MMP9: variants seen among roughly 807,000 people sequenced by gnomAD.
MMP9 encodes matrix metalloproteinase-9.
MMP9 carries 73 observed loss-of-function variants against 76.4 expected under a neutral mutation model. That is an observed-to-expected ratio of 0.96 (90% CI 0.79 to 1.16). The LOEUF is 1.16. MMP9 is among the 50% of genes most tolerant of loss of function. The pLI is 0.00. For missense variants in MMP9, 943 were observed against 973.0 expected (o/e 0.97, Z 0.41); for synonymous variants, 412 against 408.4 (o/e 1.01, Z -0.11).
Position 46,010,017 on chromosome 20 carries a change from C to G in MMP9, c.290C>G (p.Pro97Arg). ...GCCACGCTGAAGGCCATGCGAACCC[C>G]ACGGTGCGGGGTCCCAGACCTGGGC... is the stretch of plus-strand genomic sequence containing the variant. ...DSATLKAMRTPRCGVPDLGRF... is the reference protein window; with the variant it reads ...DSATLKAMRTRRCGVPDLGRF... The change falls in exon 2 of 13, where the codon CCA becomes CGA. Residue 97 changes from proline to arginine, a missense_variant. By Grantham distance (103) the Pro-to-Arg change is moderately radical. Transcript: ENST00000372330. 6.4e-7 allele frequency: 1 copy of G among 1,551,640 alleles called. No individual in the cohort carries two copies. The highest frequency in any genetic ancestry group is 8.7e-7 in the Non-Finnish European group (1 of 1,146,996).
In MMP9 at chr20:46,011,174, C is replaced by T. The variant is rs754533291; in HGVS notation, c.681C>T (p.Gly227=). 5.0e-6 allele frequency: 8 copies of T among 1,614,106 alleles called. No homozygotes were observed. The South Asian group carries it at 7.7e-5, about 16-fold the overall frequency. Reference sequence around the variant, plus strand: ...CAACTCGGTTTGGAAACGCAGATGGCGCGGCCTGCCACTTCCCCTTCATCT... The same window carrying T: ...CAACTCGGTTTGGAAACGCAGATGGTGCGGCCTGCCACTTCCCCTTCATCT... ...VVPTRFGNAD[G]AACHFPFIFE... Residue 227 remains glycine, a synonymous_variant, in exon 5 of 13, where the codon GGC becomes GGT. Coordinates refer to ENST00000372330, the MANE Select transcript of MMP9 (RefSeq NM_004994.3).
chr20:46,011,036 T>C lies in MMP9; in HGVS notation c.635T>C (p.Leu212Pro), dbSNP rs2084275307. The change falls in exon 4 of 13, where the codon CTG (leucine) becomes CCG (proline). Residue 212 changes from leucine to proline, a missense_variant. Transcript: ENST00000372330. The part of the protein sequence containing the change: ...AHFDDDELWS[L>P]GKGVVVPTRF... Reference sequence around the variant, plus strand: ...TTCGACGATGACGAGTTGTGGTCCCTGGGCAAGGGCGTCGGTGAGATTCTG... The same window carrying C: ...TTCGACGATGACGAGTTGTGGTCCCCGGGCAAGGGCGTCGGTGAGATTCTG... The C allele has an allele frequency of 3.1e-6, 5 of 1,610,322 alleles. No individual in the cohort carries two copies. Among genetic ancestry groups the C allele is most frequent in the Non-Finnish European group, 4.2e-6 (5 of 1,177,684 alleles).
chr20:46,008,963 G>C lies in MMP9; in HGVS notation c.37G>C (p.Val13Leu), dbSNP rs973255035. The change falls in exon 1 of 13, where the codon GTG (valine) becomes CTG (leucine). Residue 13 changes from valine to leucine, a missense_variant. Transcript: ENST00000372330. Reference protein sequence around the residue: ...LWQPLVLVLLVLGCCFAAPRQ... With the variant: ...LWQPLVLVLLLLGCCFAAPRQ... ...GCAGCCCCTGGTCCTGGTGCTCCTGGTGCTGGGCTGCTGCTTTGCTGCCCC... is the reference window on the plus strand; with the variant it reads ...GCAGCCCCTGGTCCTGGTGCTCCTGCTGCTGGGCTGCTGCTTTGCTGCCCC... The C allele has an allele frequency of 1.9e-6, 3 of 1,613,904 alleles. No homozygotes were observed. In the African/African-American group the frequency reaches 4.0e-5, roughly 22 times the overall value.
chr20:46,012,565 G>C lies in MMP9; in HGVS notation c.1313G>C (p.Gly438Ala), dbSNP rs201169008. The change falls in exon 8 of 13, where the codon GGC becomes GCC. Residue 438 changes from glycine to alanine, a missense_variant. Coordinates refer to ENST00000372330, the MANE Select transcript of MMP9 (RefSeq NM_004994.3). ...CCCTTGCATAAGGACGACGTGAATG[G>C]CATCCGGCACCTCTATGGTGAGGCA... Reference protein sequence around the residue: ...GPPLHKDDVNGIRHLYGPRPE... With the variant: ...GPPLHKDDVNAIRHLYGPRPE... 2.1e-5 allele frequency: 34 copies of C among 1,613,662 alleles called. No individual in the cohort carries two copies. The highest frequency in any genetic ancestry group is 8.3e-5 in the Admixed American group (5 of 60,004).
In MMP9 at chr20:46,016,531, T is replaced by A; in HGVS notation, c.*163T>A. On this transcript the variant is annotated 3_prime_UTR_variant, in exon 13 of 13. Coordinates refer to ENST00000372330, the MANE Select transcript of MMP9 (RefSeq NM_004994.3). The stretch of plus-strand genomic sequence containing the variant: ...CTCACCTTTGTTTTTTGTTGGAGTG[T>A]TTCTAATAAACTTGGATTCTCTAAC... 52 of 678,120 alleles carry A rather than the reference T, an allele frequency of 7.7e-5. No homozygotes were observed. 42.0% of individuals were successfully genotyped at this position (678,120 alleles called of 1,614,324 possible).
In MMP9 at chr20:46,013,860, C is replaced by A. The variant is rs767178225; in HGVS notation, c.1750+64C>A. The A allele has an allele frequency of 8.5e-5, 136 of 1,599,044 alleles. No homozygotes were observed. Among genetic ancestry groups the A allele is most frequent in the Non-Finnish European group, 1.1e-4 (131 of 1,171,412 alleles). ...CCATCAGTCAAGGAGGCTCAAGAGA[C>A]CATCGATAACCCACGAAACGTCTTG... On this transcript the variant is annotated intron_variant, in intron 10 of 12. Coordinates refer to ENST00000372330, the MANE Select transcript of MMP9 (RefSeq NM_004994.3). This position sits in a 1 kb window ranked among gnomAD's most constrained non-coding sequence, Gnocchi z 4.5.
rs2084298335 is a variant in MMP9, at chr20:46,013,504, T to C, written c.1580T>C (p.Ile527Thr). The C allele has an allele frequency of 1.9e-6, 3 of 1,613,948 alleles. No individual in the cohort carries two copies. The highest frequency in any genetic ancestry group is 2.5e-6 in the Non-Finnish European group (3 of 1,179,982). ...AACATCTTCGACGCCATCGCGGAGA[T>C]TGGGAACCAGCTGTATTTGTTCAAG... is the stretch of plus-strand genomic sequence containing the variant. ...NVNIFDAIAEIGNQLYLFKDG... is the reference protein window; with the variant it reads ...NVNIFDAIAETGNQLYLFKDG... The change falls in exon 9 of 13, where the codon ATT becomes ACT. Residue 527 changes from isoleucine to threonine, a missense_variant. Ile to Thr is a moderately conservative substitution (Grantham distance 89). Transcript: ENST00000372330. The surrounding 1 kb of genome is among the most constrained non-coding windows in gnomAD (Gnocchi z 4.5).
Position 46,010,396 on chromosome 20 carries a change from G to A in MMP9, c.372-87G>A. Reference sequence around the variant, plus strand: ...GTGGACGGCAGAGAGCATTGTGTATGTTGAAGTCTCTGCGATATGGGGTGT... The same window carrying A: ...GTGGACGGCAGAGAGCATTGTGTATATTGAAGTCTCTGCGATATGGGGTGT... On this transcript the variant is annotated intron_variant, in intron 2 of 12. Transcript: ENST00000372330. 9 of 1,430,116 alleles carry A rather than the reference G, an allele frequency of 6.3e-6. No homozygotes were observed. In the Admixed American group the frequency reaches 6.8e-5, roughly 11 times the overall value. The allele number at this position is 1,430,116 out of a possible 1,614,324, so 88.6% of individuals were successfully genotyped here.
At chr20:46,010,119 C>CA (rs1214624220) in intron 2 of MMP9, 21 bp downstream of exon 2, 1 of 1,519,034 alleles carries the variant, frequency 6.6e-7, no homozygotes, top group Admixed American at 2.0e-5. Flanking sequence ...GCCGTGGGGG[C>CA]AGCGGGGTGG....
At position 46,013,143 on chromosome 20, in the gene MMP9, G is replaced by A; in HGVS notation, c.1331-112G>A. ...GGTTTGGGAAGGGAGGCTGAGTGAG[G>A]AGGGGCCTGTGTGCCAGAGGAGGCT... On this transcript the variant is annotated intron_variant, in intron 8 of 12. Transcript: ENST00000372330. The surrounding 1 kb of genome is among the most constrained non-coding windows in gnomAD (Gnocchi z 4.5). 3.2e-6 allele frequency: 4 copies of A among 1,265,044 alleles called. No individual in the cohort carries two copies. The highest frequency in any genetic ancestry group is 4.6e-6 in the Non-Finnish European group (4 of 866,060). 78.4% of individuals were successfully genotyped at this position (1,265,044 alleles called of 1,614,324 possible).
chr20:46,016,064 G>A (rs1458945832), intron 12 of MMP9, among the ~76,000 whole-genome samples, 186 bp from the exon 13 acceptor site: 1 of 152,246 alleles, frequency 6.6e-6, no homozygotes, highest in Non-Finnish European at 1.5e-5. Context: ...GGGCACTGAG[G>A]TCTGTGCCCT....
In MMP9 at chr20:46,011,745, G is replaced by T. The variant is rs1163227924; in HGVS notation, c.995G>T (p.Arg332Leu). The change falls in exon 6 of 13, where the codon CGA becomes CTA. Residue 332 changes from arginine to leucine, a missense_variant and splice_region_variant. Transcript: ENST00000372330. Reference protein sequence around the residue: ...RDKLFGFCPTRADSTVMGGNS... With the variant: ...RDKLFGFCPTLADSTVMGGNS... ...AAGCTCTTCGGCTTCTGCCCGACCC[G>T]AGGTACCTCCACCCTGTCTACCAGG... The T allele has an allele frequency of 6.2e-7, 1 of 1,610,202 alleles. No homozygotes were observed. Among genetic ancestry groups the T allele is most frequent in the Non-Finnish European group, 8.5e-7 (1 of 1,179,620 alleles).
Position 46,012,704 on chromosome 20 carries a change from G to A in MMP9, c.1330+122G>A, listed in dbSNP as rs1317909345. 3 of 1,420,672 alleles carry A rather than the reference G, an allele frequency of 2.1e-6. No homozygotes were observed. In the South Asian group the frequency reaches 3.7e-5, roughly 18 times the overall value. 88.0% of individuals were successfully genotyped at this position (1,420,672 alleles called of 1,614,324 possible). On this transcript the variant is annotated intron_variant, in intron 8 of 12. Coordinates refer to ENST00000372330, the MANE Select transcript of MMP9 (RefSeq NM_004994.3). ...CGTGCAGGAGAGGTGGGACCTCAAC[G>A]TCTGTCTGGAAGCAGAGCCTGGGCC...
Position 46,013,207 on chromosome 20 carries a change from C to T in MMP9, c.1331-48C>T, listed in dbSNP as rs1272104938. ...TAGGGGAGCAGATGTTCTAGGGGTACAGAGGTATGCAGGAATAGGAAGAGT... is the reference window on the plus strand; with the variant it reads ...TAGGGGAGCAGATGTTCTAGGGGTATAGAGGTATGCAGGAATAGGAAGAGT... On this transcript the variant is annotated intron_variant, in intron 8 of 12. Coordinates refer to ENST00000372330, the MANE Select transcript of MMP9 (RefSeq NM_004994.3). The surrounding 1 kb of genome is among the most constrained non-coding windows in gnomAD (Gnocchi z 4.5). 1.2e-6 allele frequency: 2 copies of T among 1,611,070 alleles called. No homozygotes were observed. Among genetic ancestry groups the T allele is most frequent in the African/African-American group, 2.7e-5 (2 of 74,814 alleles).
rs2084276742 is a variant in MMP9 at position 46,011,222 on chromosome 20, C to T, written c.729C>T (p.Ala243=). Reference sequence around the variant, plus strand: ...TCTTCGAGGGCCGCTCCTACTCTGCCTGCACCACCGACGGTCGCTCCGACG... The same window carrying T: ...TCTTCGAGGGCCGCTCCTACTCTGCTTGCACCACCGACGGTCGCTCCGACG... ...PFIFEGRSYS[A]CTTDGRSDGL... Residue 243 remains alanine, a synonymous_variant, in exon 5 of 13, where the codon GCC becomes GCT. Transcript: ENST00000372330. 1 of 1,613,950 alleles carries T rather than the reference C, an allele frequency of 6.2e-7. No individual in the cohort carries two copies. Among genetic ancestry groups the T allele is most frequent in the Non-Finnish European group, 8.5e-7 (1 of 1,180,042 alleles).
At position 46,013,631 on chromosome 20, in the gene MMP9, C is replaced by T. The variant is rs185167031; in HGVS notation, c.1611-26C>T. 4.3e-6 allele frequency: 7 copies of T among 1,614,008 alleles called. No individual in the cohort carries two copies. The highest frequency in any genetic ancestry group is 3.3e-5 in the South Asian group (3 of 91,040). ...GGCCCTGTGTCCAAGGCTTAGAGCC[C>T]GTCCTTTCCCTCCTCGCTTTCTCAG... On this transcript the variant is annotated intron_variant, in intron 9 of 12. Transcript: ENST00000372330. The surrounding 1 kb of genome is among the most constrained non-coding windows in gnomAD (Gnocchi z 4.5).
chr20:46,016,322 A>T lies in MMP9; in HGVS notation c.2078A>T (p.Gln693Leu). 6.2e-7 allele frequency: 1 copy of T among 1,614,240 alleles called. No individual in the cohort carries two copies. Among genetic ancestry groups the T allele is most frequent in the Non-Finnish European group, 8.5e-7 (1 of 1,180,050 alleles). Residue 693 changes from glutamine (Q) to leucine (L), a missense_variant, in exon 13 of 13, where the codon CAA becomes CTA. By Grantham distance (113) the Gln-to-Leu change is moderately radical. Transcript: ENST00000372330. ...SSRSELNQVD[Q>L]VGYVTYDILQ... ...CGGAGTGAGTTGAACCAGGTGGACC[A>T]AGTGGGCTACGTGACCTATGACATC...
rs2084301095 is a variant in MMP9 at position 46,013,768 on chromosome 20, G to C, written c.1722G>C (p.Arg574=). The C allele has an allele frequency of 6.2e-7, 1 of 1,613,036 alleles. No homozygotes were observed. Among genetic ancestry groups the C allele is most frequent in the Non-Finnish European group, 8.5e-7 (1 of 1,179,982 alleles). ...PRKLDSVFEE[R]LSKKLFFFSG... ...AGCTGGACTCGGTCTTTGAGGAGCG[G>C]CTCTCCAAGAAGCTTTTCTTCTTCT... The change falls in exon 10 of 13, where the codon CGG becomes CGC. Residue 574 remains arginine, a synonymous_variant. Transcript: ENST00000372330. The surrounding 1 kb of genome is among the most constrained non-coding windows in gnomAD (Gnocchi z 4.5).
At chr20:46,014,518 T>G in intron 12 of MMP9, 44 bp downstream of exon 12, 1 of 1,491,542 alleles carries the variant, frequency 6.7e-7, no homozygotes, top group Non-Finnish European at 9.1e-7. Context: ...CACACTAAGC[T>G]CCTCTTAGTG....
Sources: gnomAD v4.1 joint callset for allele counts (sites outside exome capture counted in the v4.1 genomes callset) on GRCh38, gnomAD v4.1.1 for gene constraint, Gnocchi (gnomAD v3.1) non-coding constraint, MANE v1.5 for transcripts, NCBI Gene and HGNC (gene_info 2026-07-23, HGNC 2026-07-21) for gene names.